Variants in FGL1 observed in about 807,000 individuals in gnomAD.
FGL1 encodes fibrinogen like 1.
In FGL1, 59 loss-of-function variants were observed where a neutral mutation model predicts 43.7. That is an observed-to-expected ratio of 1.35 (90% CI 1.10 to 1.68). The LOEUF is 1.68. Ranked by LOEUF, FGL1 falls within the 40% of genes most tolerant of loss-of-function variation. The pLI, the probability that FGL1 is intolerant of heterozygous loss-of-function variation, is 0.00. For synonymous variants in FGL1, 192 were observed against 126.5 expected (o/e 1.52, Z -3.48); for missense variants, 596 against 373.0 (o/e 1.60, Z -4.92).
At chr8:17,868,384 C>G in intron 7 of FGL1, 164 bp downstream of exon 7, 1 of 480,222 alleles carries the variant, frequency 2.1e-6, no homozygotes, top group Non-Finnish European at 3.4e-6. Flanking sequence ...TGAACAAATC[C>G]TCAAAACGAC....
At position 17,885,121 on chromosome 8, in the gene FGL1, A is replaced by G. The variant is rs370394196; in HGVS notation, c.63+371T>C. On this transcript the variant is annotated intron_variant, in intron 2 of 7. Coordinates refer to ENST00000427924, the MANE Select transcript of FGL1 (RefSeq NM_004467.4). ...AGTGGCATGATCTCAGTTCACTGCAATCTCCGCCTCCTGGGTTCAAGGGAT... is the reference window on the plus strand; with the variant it reads ...AGTGGCATGATCTCAGTTCACTGCAGTCTCCGCCTCCTGGGTTCAAGGGAT... Among the ~76,000 whole-genome samples the G allele has an allele frequency of 1.3e-3, 204 of 151,976 alleles. 2 individuals are homozygous for G. The highest frequency in any genetic ancestry group is 4.7e-3 in the African/African-American group (194 of 41,448).
intron 1 of FGL1, among the ~76,000 whole-genome samples, chr8:17,895,030 A>G (rs982409117): frequency 1.3e-5 from 2 of 151,742 alleles, no homozygotes; most frequent in African/African-American, 2.4e-5. Context: ...TGTTCATCTC[A>G]TTACCATTAA....
chr8:17,874,368 A>C lies in FGL1; in HGVS notation c.398T>G (p.Phe133Cys). The C allele has an allele frequency of 5.6e-6, 9 of 1,612,408 alleles. No homozygotes were observed. The highest frequency in any genetic ancestry group is 7.6e-6 in the Non-Finnish European group (9 of 1,179,478). Residue 133 changes from phenylalanine to cysteine, a missense_variant, in exon 4 of 8, where the codon TTT becomes TGT. Physicochemically the swap from Phe to Cys is radical, Grantham distance 205. Coordinates refer to ENST00000427924, the MANE Select transcript of FGL1 (RefSeq NM_004467.4). ...IQRRSDGSENFNRGWKDYENG... is the reference protein window; with the variant it reads ...IQRRSDGSENCNRGWKDYENG... ...TACATCATAATTAGCACACCTGTTA[A>C]AGTTTTCACTGCCATCAGATCGTCT...
At chr8:17,888,717 C>G (rs541428214) in intron 1 of FGL1, among the ~76,000 whole-genome samples, 1 of 151,926 alleles carries the variant, frequency 6.6e-6, no homozygotes, top group Non-Finnish European at 1.5e-5. Flanking sequence ...AGATATAAAT[C>G]AATAGTCAAT....
At chr8:17,885,764 G>T in intron 1 of FGL1, 193 bp from the exon 2 acceptor site, 2 of 521,064 alleles carry the variant, frequency 3.8e-6, no homozygotes, top group African/African-American at 1.9e-5. Flanking sequence ...AACTAGAATT[G>T]AATCTGTTTC....
At chr8:17,879,967 T>C (rs552384538) in intron 3 of FGL1, among the ~76,000 whole-genome samples, 2 of 152,190 alleles carry the variant, frequency 1.3e-5, no homozygotes, top group Non-Finnish European at 2.9e-5. Flanking sequence ...GTAATGATGA[T>C]CCACTGGCAT....
chr8:17,865,128 C>A (rs1055412772), intron 7 of FGL1, among the ~76,000 whole-genome samples: 3 of 151,946 alleles, frequency 2.0e-5, no homozygotes, highest in African/African-American at 7.3e-5. Context: ...ACTGCCATTA[C>A]AAATCTGAAA....
intron 3 of FGL1, among the ~76,000 whole-genome samples, chr8:17,877,517 G>A (rs1439629083): frequency 1.3e-5 from 2 of 152,006 alleles, no homozygotes; most frequent in African/African-American, 4.8e-5. Context: ...CACAAAAAGA[G>A]GTAAGCAACA....
chr8:17,868,782 C>A, intron 6 of FGL1, 47 bp from the exon 7 acceptor site: 2 of 1,533,426 alleles, frequency 1.3e-6, no homozygotes, highest in Non-Finnish European at 1.8e-6. Context: ...CCTCTATGAC[C>A]ATTTTAAAAT....
Position 17,864,785 on chromosome 8 carries a change from A to C in FGL1, c.780-34T>G, listed in dbSNP as rs747321642. On this transcript the variant is annotated intron_variant, in intron 7 of 7. Coordinates refer to ENST00000427924, the MANE Select transcript of FGL1 (RefSeq NM_004467.4). ...AGGGAGAAAAAAAAAGAAAACAACAATCAGACTGGAAAAATATTGTTCAGA... is the reference window on the plus strand; with the variant it reads ...AGGGAGAAAAAAAAAGAAAACAACACTCAGACTGGAAAAATATTGTTCAGA... The C allele has an allele frequency of 2.8e-6, 4 of 1,418,472 alleles. No homozygotes were observed. The East Asian group carries it at 7.5e-5, about 27-fold the overall frequency. The allele number at this position is 1,418,472 out of a possible 1,614,324, so 87.9% of individuals were successfully genotyped here.
chr8:17,867,731 G>A (rs139405631), intron 7 of FGL1, among the ~76,000 whole-genome samples: 129 of 152,288 alleles, frequency 8.5e-4, no homozygotes, highest in African/African-American at 3.0e-3. Flanking sequence ...CACCTCCTGG[G>A]CAGAAAGAAT....
chr8:17,871,234 T>C (rs1178605352), intron 5 of FGL1, among the ~76,000 whole-genome samples: 1 of 152,162 alleles, frequency 6.6e-6, no homozygotes, highest in Non-Finnish European at 1.5e-5. Context: ...GGTTCATACC[T>C]GTAATTCAAG....
chr8:17,889,856 G>A (rs1177370080), intron 1 of FGL1, among the ~76,000 whole-genome samples: 1 of 152,108 alleles, frequency 6.6e-6, no homozygotes, highest in Non-Finnish European at 1.5e-5. Context: ...GTTTAGATAG[G>A]AAGAACACAC....
chr8:17,872,990 T>G (rs2053387785), intron 5 of FGL1, among the ~76,000 whole-genome samples: 1 of 152,178 alleles, frequency 6.6e-6, no homozygotes, highest in African/African-American at 2.4e-5. Flanking sequence ...ATACAGGTGG[T>G]AGGTTGAAAC....
chr8:17,895,013 C>T (rs1487655689), intron 1 of FGL1, among the ~76,000 whole-genome samples: 6 of 151,396 alleles, frequency 4.0e-5, no homozygotes, highest in South Asian at 4.2e-4. Flanking sequence ...CTCTTGATGT[C>T]CTGAAATGTT....
chr8:17,869,927 G>C (rs2053332158), intron 5 of FGL1, among the ~76,000 whole-genome samples: 1 of 152,132 alleles, frequency 6.6e-6, no homozygotes, highest in Admixed American at 6.5e-5. Flanking sequence ...GGCTAACACT[G>C]TGAAACCCCG....
At chr8:17,894,393 T>TC (rs1217428270) in intron 1 of FGL1, among the ~76,000 whole-genome samples, 9 of 147,180 alleles carry the variant, frequency 6.1e-5, no homozygotes, top group Non-Finnish European at 1.3e-4. Context: ...TTAAGCTATT[T>TC]CCTTCCAAAT....
intron 3 of FGL1, among the ~76,000 whole-genome samples, chr8:17,878,233 T>C (rs1477900931): frequency 1.3e-5 from 2 of 152,238 alleles, no homozygotes; most frequent in African/African-American, 4.8e-5. Context: ...ATTACAGGCA[T>C]GATTCATGGC....
intron 3 of FGL1, among the ~76,000 whole-genome samples, chr8:17,875,543 T>C (rs867346046): frequency 0.039 from 658 of 16,758 alleles, 89 homozygotes; most frequent in African/African-American, 0.11. Context: ...TTCTCTTTCT[T>C]TCTTTCTTTC....
Sources: gnomAD v4.1 joint callset for allele counts (sites outside exome capture counted in the v4.1 genomes callset) on GRCh38, gnomAD v4.1.1 for gene constraint, MANE v1.5 for transcripts, NCBI Gene and HGNC (gene_info 2026-07-23, HGNC 2026-07-21) for gene names.